Variants in ZFP64 observed in about 807,000 individuals in gnomAD.
ZFP64 encodes ZFP64 zinc finger protein, also known as zinc finger protein 64.
Under a neutral mutation model 51.6 loss-of-function variants are expected in ZFP64, and 14 were observed. That is an observed-to-expected ratio of 0.27 (90% CI 0.18 to 0.42). The LOEUF is 0.42. Ranked by LOEUF, ZFP64 falls within the 10% of genes least tolerant of loss-of-function variation. The probability of loss-of-function intolerance (pLI) is 1.00; values close to 1 mark genes in which losing one functional copy is unlikely to be tolerated. For missense variants in ZFP64, 754 were observed against 906.8 expected (o/e 0.83, Z 2.16); for synonymous variants, 375 against 361.4 (o/e 1.04, Z -0.43).
At chr20:52,136,996 C>T (rs1483012023) in intron 5 of ZFP64, among the ~76,000 whole-genome samples, 1 of 152,118 alleles carries the variant, frequency 6.6e-6, no homozygotes, top group Non-Finnish European at 1.5e-5. Context: ...AACTCCTGAC[C>T]TCAGGTGATC....
intron 5 of ZFP64, among the ~76,000 whole-genome samples, chr20:52,108,956 G>C (rs73270822): frequency 2.0e-5 from 3 of 151,468 alleles, no homozygotes; most frequent in African/African-American, 7.3e-5. Context: ...TTGGCCATGC[G>C]TAATCAGTCA....
At chr20:52,094,170 A>C (rs917063450) in intron 7 of ZFP64, among the ~76,000 whole-genome samples, 1 of 152,168 alleles carries the variant, frequency 6.6e-6, no homozygotes, top group Non-Finnish European at 1.5e-5. Context: ...TATATGGAGC[A>C]GTCTTCAGTT....
chr20:52,176,363 A>G (rs1983212511), intron 2 of ZFP64, among the ~76,000 whole-genome samples: 1 of 151,998 alleles, frequency 6.6e-6, no homozygotes. Context: ...TGCTTATCCA[A>G]CCACAATCTC....
At chr20:52,181,338 C>A (rs79514511) in intron 2 of ZFP64, among the ~76,000 whole-genome samples, 1,628 of 152,270 alleles carry the variant, frequency 0.011, 10 homozygotes, top group Middle Eastern at 0.037. Context: ...AAGATTCAAA[C>A]TCAGGGACCT....
chr20:52,111,749 T>C (rs1019920563), intron 5 of ZFP64, among the ~76,000 whole-genome samples: 2 of 152,078 alleles, frequency 1.3e-5, no homozygotes, highest in African/African-American at 2.4e-5. Flanking sequence ...CAGGATAATG[T>C]AGTAACTAAA....
At chr20:52,166,077 T>A in intron 2 of ZFP64, 52 bp from the exon 3 acceptor site, 2 of 1,536,018 alleles carry the variant, frequency 1.3e-6, no homozygotes, top group Non-Finnish European at 1.8e-6. Flanking sequence ...CCGCTAGCTA[T>A]GGTGTCTGCC....
chr20:52,115,091 G>A (rs1978791887), intron 5 of ZFP64, among the ~76,000 whole-genome samples: 1 of 151,650 alleles, frequency 6.6e-6, no homozygotes, highest in African/African-American at 2.4e-5. Flanking sequence ...TGTAGTCCCA[G>A]GTACTGGGAG....
intron 5 of ZFP64, among the ~76,000 whole-genome samples, chr20:52,136,096 CAAAAA>C (rs71192597): frequency 7.9e-5 from 3 of 38,030 alleles, no homozygotes; most frequent in Non-Finnish European, 1.3e-4. Context: ...GAGACTCTCT[CAAAAA>C]AAAAAAAAAA....
chr20:52,109,250 G>C (rs1395315491), intron 5 of ZFP64, among the ~76,000 whole-genome samples: 1 of 151,904 alleles, frequency 6.6e-6, no homozygotes, highest in Middle Eastern at 3.4e-3. Flanking sequence ...TGCAAGCTCC[G>C]CCTCCCGGGT....
At chr20:52,184,253 T>C (rs1028537386) in intron 2 of ZFP64, among the ~76,000 whole-genome samples, 4 of 152,182 alleles carry the variant, frequency 2.6e-5, no homozygotes, top group African/African-American at 9.7e-5. Context: ...AGATGTATTG[T>C]TTGGCAACAA....
chr20:52,186,920 C>T lies in ZFP64; in HGVS notation c.198G>A (p.Thr66=), dbSNP rs34252344. The T allele has an allele frequency of 0.011, 17,645 of 1,613,978 alleles. 262 individuals are homozygous for T. The highest frequency in any genetic ancestry group is 0.061 in the Middle Eastern group (371 of 6,058). Residue 66 remains threonine, a synonymous_variant, in exon 2 of 6, where the codon ACG becomes ACA. Coordinates refer to ENST00000216923, the MANE Select transcript of ZFP64 (RefSeq NM_018197.3). ...LTGTSAAAPS[T]VQFVSEETVP... is the part of the protein sequence containing the mutation. ...CTGTTTCCTCCGATACAAACTGGAC[C>T]GTGCTGGGGGCTGCTGCGGATGTGC...
chr20:52,173,651 T>C (rs1268962052), intron 2 of ZFP64, among the ~76,000 whole-genome samples: 4 of 151,906 alleles, frequency 2.6e-5, no homozygotes, highest in African/African-American at 7.2e-5. Context: ...CTTGCTTTTT[T>C]TTTTTTCTTT....
At chr20:52,190,732 C>T (rs1160451193) in intron 1 of ZFP64, among the ~76,000 whole-genome samples, 1 of 152,162 alleles carries the variant, frequency 6.6e-6, no homozygotes, top group Non-Finnish European at 1.5e-5. Flanking sequence ...GTTTGGGACC[C>T]AGTGTCTCCC....
chr20:52,124,813 A>G (rs1379302934), intron 5 of ZFP64, among the ~76,000 whole-genome samples: 3 of 151,392 alleles, frequency 2.0e-5, no homozygotes, highest in African/African-American at 7.3e-5. Context: ...CATGTTGCCC[A>G]GGCTGGTCTT....
At chr20:52,124,729 C>G (rs925285808) in intron 5 of ZFP64, among the ~76,000 whole-genome samples, 2 of 152,112 alleles carry the variant, frequency 1.3e-5, no homozygotes, top group South Asian at 2.1e-4. Context: ...GCCTCAGCCT[C>G]CCAAGTAGCT....
At chr20:52,089,352 T>C (rs115836998) in intron 7 of ZFP64, among the ~76,000 whole-genome samples, 1,919 of 152,284 alleles carry the variant, frequency 0.013, 33 homozygotes, top group African/African-American at 0.044. Context: ...ATAAAAGTTC[T>C]AATAAGTTGA....
chr20:52,157,699 C>G (rs1040154413), intron 5 of ZFP64, among the ~76,000 whole-genome samples: 2 of 152,156 alleles, frequency 1.3e-5, no homozygotes, highest in Non-Finnish European at 2.9e-5. Flanking sequence ...ACTTTAAGTT[C>G]TGGGATACAT....
chr20:52,109,574 T>C (rs537385173), intron 5 of ZFP64, among the ~76,000 whole-genome samples: 1 of 151,500 alleles, frequency 6.6e-6, no homozygotes, highest in Non-Finnish European at 1.5e-5. Context: ...AGGTCAGGAG[T>C]TCGAGACCAG....
At chr20:52,089,028 G>A (rs753186039) in intron 7 of ZFP64, 1 of 521,550 alleles carries the variant, frequency 1.9e-6, no homozygotes, top group South Asian at 1.4e-5. Context: ...CAAACAGCAA[G>A]CAGCACGGCA....
Sources: gnomAD v4.1 joint callset for allele counts (sites outside exome capture counted in the v4.1 genomes callset) on GRCh38, gnomAD v4.1.1 for gene constraint, MANE v1.5 for transcripts, NCBI Gene and HGNC (gene_info 2026-07-23, HGNC 2026-07-21) for gene names.